The following MRTFA variants were observed in gnomAD, a reference collection of about 807,000 sequenced individuals.
MRTFA encodes myocardin related transcription factor A, also known as myocardin-related transcription factor A.
Under a neutral mutation model 83.5 loss-of-function variants are expected in MRTFA, and 20 were observed. The ratio of observed to expected loss-of-function variants is 0.24; its 90% confidence interval spans 0.17 to 0.35. The LOEUF is 0.35. Among genes scored for constraint, MRTFA ranks in the 10% least tolerant of loss-of-function variants. The pLI is 1.00. For missense variants in MRTFA, 1,200 were observed against 1,224.7 expected, an observed-to-expected ratio of 0.98 and a Z score of 0.30; for synonymous variants, 659 against 541.2, an observed-to-expected ratio of 1.22 and a Z score of -3.02.
chr22:40,478,702 C>T (rs1342756018), intron 3 of MRTFA, among the ~76,000 whole-genome samples: 2 of 152,130 alleles, frequency 1.3e-5, no homozygotes, highest in East Asian at 3.9e-4. Context: ...GTCTGGGATA[C>T]CAAGGTACAA....
rs760354553 is a variant in MRTFA, at chr22:40,418,574, C to T, written c.2164G>A (p.Val722Met). Residue 722 changes from valine (V) to methionine (M), a missense_variant, in exon 12 of 15, where the codon GTG becomes ATG. Val to Met is a conservative substitution (Grantham distance 21, BLOSUM62 1). Around this residue, in one of 2 missense-constraint regions of MRTFA, gnomAD observed 1,107 missense variants for 1,041.8 expected, o/e 1.06. Coordinates refer to ENST00000355630, the MANE Select transcript of MRTFA (RefSeq NM_020831.6). ...GGCTGCAAGGCTTCCTGCTTCACCA[C>T]CACGGACGGGGGCCCCGGGGCCACA... 6.4e-7 allele frequency: 1 copy of T among 1,556,662 alleles called. No homozygotes were observed. Among genetic ancestry groups the T allele is most frequent in the Non-Finnish European group, 8.6e-7 (1 of 1,157,868 alleles).
At chr22:40,570,303 C>T (rs943886451) in intron 2 of MRTFA, among the ~76,000 whole-genome samples, 3 of 151,958 alleles carry the variant, frequency 2.0e-5, no homozygotes, top group Non-Finnish European at 2.9e-5. Context: ...GGGCCAGGCA[C>T]GGTGGCTCAT....
At chr22:40,529,724 G>A (rs576811516) in intron 3 of MRTFA, among the ~76,000 whole-genome samples, 1 of 152,334 alleles carries the variant, frequency 6.6e-6, no homozygotes, top group South Asian at 2.1e-4. Flanking sequence ...GAAAACTTGA[G>A]TGTATAGGTT....
chr22:40,474,317 G>C (rs2053959027), intron 3 of MRTFA, among the ~76,000 whole-genome samples: 2 of 152,154 alleles, frequency 1.3e-5, no homozygotes, highest in African/African-American at 4.8e-5. Flanking sequence ...AGAGAGCCCT[G>C]AACTCTCCAG....
chr22:40,518,370 A>C (rs2054795965), intron 3 of MRTFA, among the ~76,000 whole-genome samples: 1 of 152,022 alleles, frequency 6.6e-6, no homozygotes, highest in Non-Finnish European at 1.5e-5. Context: ...AATTGAGTTA[A>C]ATTGTAGAAT....
intron 4 of MRTFA, among the ~76,000 whole-genome samples, chr22:40,462,105 C>T (rs1186808328): frequency 2.6e-5 from 4 of 152,148 alleles, no homozygotes; most frequent in South Asian, 2.1e-4. Flanking sequence ...ACATCTTATT[C>T]GAAGTGACTC....
chr22:40,487,637 C>T (rs1369314598), intron 3 of MRTFA, among the ~76,000 whole-genome samples: 1 of 152,216 alleles, frequency 6.6e-6, no homozygotes, highest in Non-Finnish European at 1.5e-5. Context: ...CAGAAAGAAT[C>T]TCACTATCTC....
intron 2 of MRTFA, among the ~76,000 whole-genome samples, chr22:40,571,921 C>CAAAAAAAAA (rs557782525): frequency 5.3e-5 from 1 of 18,724 alleles, no homozygotes; most frequent in Non-Finnish European, 1.0e-4. Context: ...AAGACTCTGT[C>CAAAAAAAAA]AAAAAAAAAA....
rs376696731 is a variant in MRTFA, at chr22:40,555,824, G to A, written c.-21-3457C>T. Among the ~76,000 whole-genome samples, 23 of 151,788 alleles carry A rather than the reference G, an allele frequency of 1.5e-4. No individual in the cohort carries two copies. The East Asian group carries it at 1.9e-3, about 13-fold the overall frequency. On this transcript the variant is annotated intron_variant, in intron 2 of 14. Transcript: ENST00000355630. The stretch of plus-strand genomic sequence containing the variant: ...GCTAAATTTTTTTGTATTTTTAGTA[G>A]AGACGGGGTTTCACCAATGTTAGCC...
chr22:40,566,162 C>T (rs1465153420), intron 2 of MRTFA, among the ~76,000 whole-genome samples: 3 of 151,638 alleles, frequency 2.0e-5, no homozygotes, highest in Non-Finnish European at 4.4e-5. Flanking sequence ...AAGTATATTA[C>T]ATAAACAACT....
intron 2 of MRTFA, among the ~76,000 whole-genome samples, chr22:40,590,663 ACT>A (rs1407428396): frequency 7.0e-6 from 1 of 143,598 alleles, no homozygotes; most frequent in Non-Finnish European, 1.5e-5. Context: ...ACAGAACAAG[ACT>A]CTGTCTCAAA....
intron 3 of MRTFA, among the ~76,000 whole-genome samples, chr22:40,543,651 T>C (rs1436200783): frequency 6.6e-6 from 1 of 152,148 alleles, no homozygotes; most frequent in Non-Finnish European, 1.5e-5. Flanking sequence ...ACAAAGTGTC[T>C]AAAAACAAAT....
At chr22:40,516,429 AAAAAAAAAAAAAAAGGAAAAAG>A (rs1320328781) in intron 3 of MRTFA, among the ~76,000 whole-genome samples, 3 of 118,872 alleles carry the variant, frequency 2.5e-5, no homozygotes. Flanking sequence ...CAAGAAAAAA[AAAAAAAAAAAAAAAGGAAAAAG>A]AAAAAAAAAA....
chr22:40,532,421 T>A (rs972349658), intron 3 of MRTFA, among the ~76,000 whole-genome samples: 2 of 152,182 alleles, frequency 1.3e-5, no homozygotes, highest in Non-Finnish European at 2.9e-5. Context: ...AGCTTTTTCA[T>A]CAAAGACAGA....
At chr22:40,596,075 T>A (rs183162195) in intron 1 of MRTFA, among the ~76,000 whole-genome samples, 1 of 151,614 alleles carries the variant, frequency 6.6e-6, no homozygotes, top group South Asian at 2.1e-4. Flanking sequence ...TCCTCCCCAT[T>A]ACCCACACCA....
At chr22:40,472,749 G>A (rs908663519) in intron 3 of MRTFA, among the ~76,000 whole-genome samples, 2 of 152,102 alleles carry the variant, frequency 1.3e-5, no homozygotes, top group African/African-American at 4.8e-5. Context: ...ACATTTCCCA[G>A]CTTCCATGGT....
At position 40,411,491 on chromosome 22, in the gene MRTFA, C is replaced by T. The variant is rs775773947; in HGVS notation, c.2995G>A (p.Val999Met). Reference sequence around the variant, plus strand: ...GTGCTGAGGGGGGCTAGGCTCAGCACGGGACCACCTGACGACAGCTCCAGC... The same window carrying T: ...GTGCTGAGGGGGGCTAGGCTCAGCATGGGACCACCTGACGACAGCTCCAGC... Residue 999 changes from valine to methionine, a missense_variant, in exon 15 of 15, where the codon GTG becomes ATG. Transcript: ENST00000355630. 6.2e-6 allele frequency: 10 copies of T among 1,610,428 alleles called. No homozygotes were observed. Among genetic ancestry groups the T allele is most frequent in the Middle Eastern group, 3.3e-4 (2 of 6,050 alleles).
chr22:40,486,325 C>A (rs1452114571), intron 3 of MRTFA, among the ~76,000 whole-genome samples: 2 of 152,232 alleles, frequency 1.3e-5, no homozygotes, highest in Non-Finnish European at 2.9e-5. Flanking sequence ...AAGACTGCAA[C>A]TTTCTTTGGC....
At chr22:40,531,187 C>G (rs2055073177) in intron 3 of MRTFA, among the ~76,000 whole-genome samples, 1 of 151,600 alleles carries the variant, frequency 6.6e-6, no homozygotes, top group Non-Finnish European at 1.5e-5. Flanking sequence ...CAGCCTCGAC[C>G]TCCTGGGCTC....
Sources: allele counts gnomAD v4.1 joint callset (sites outside exome capture counted in the v4.1 genomes callset), GRCh38; gene constraint gnomAD v4.1.1; regional missense constraint gnomAD v4.1.1; transcripts MANE v1.5; gene names NCBI Gene and HGNC (gene_info 2026-07-23, HGNC 2026-07-21).